SLC16A12: variants seen among roughly 807,000 people sequenced by gnomAD.
The protein encoded by SLC16A12 is solute carrier family 16 member 12, also known as monocarboxylate transporter 12.
In SLC16A12, 17 loss-of-function variants were observed where a neutral mutation model predicts 42.4. The observed-to-expected ratio is 0.40, with a 90% CI of 0.27 to 0.60. The LOEUF is 0.60. Ranked by LOEUF, SLC16A12 falls within the 20% of genes least tolerant of loss-of-function variation. The pLI, the probability that SLC16A12 is intolerant of heterozygous loss-of-function variation, is 0.42. For missense variants in SLC16A12, 544 were observed against 623.0 expected (o/e 0.87, Z 1.35); for synonymous variants, 224 against 229.4 (o/e 0.98, Z 0.21).
intron 3 of SLC16A12, among the ~76,000 whole-genome samples, chr10:89,447,273 G>T (rs1329355665): frequency 6.6e-6 from 1 of 152,126 alleles, no homozygotes; most frequent in African/African-American, 2.4e-5. Context: ...GACATCTACA[G>T]AACTCTCCAC....
intron 2 of SLC16A12, among the ~76,000 whole-genome samples, chr10:89,525,681 T>C (rs768545742): frequency 3.3e-5 from 5 of 152,214 alleles, no homozygotes; most frequent in Admixed American, 6.5e-5. Flanking sequence ...TTAATTAAGT[T>C]AGTAGCTGTT....
chr10:89,515,782 T>A (rs1036756644), intron 2 of SLC16A12, among the ~76,000 whole-genome samples: 2 of 152,064 alleles, frequency 1.3e-5, no homozygotes, highest in African/African-American at 2.4e-5. Context: ...AATCACTAAG[T>A]CATCATGAAT....
chr10:89,439,956 T>A (rs1357102078), intron 5 of SLC16A12, among the ~76,000 whole-genome samples: 1 of 150,960 alleles, frequency 6.6e-6, no homozygotes, highest in Non-Finnish European at 1.5e-5. Flanking sequence ...GCACCTGTAG[T>A]CTTAGCTACT....
chr10:89,435,923 G>T (rs752447752), intron 7 of SLC16A12, 137 bp downstream of exon 7: 17 of 1,235,758 alleles, frequency 1.4e-5, no homozygotes, highest in Admixed American at 1.3e-4. Flanking sequence ...GGTTTTGGGG[G>T]CTCTTATATC....
At chr10:89,465,680 C>T (rs1842382468) in intron 2 of SLC16A12, among the ~76,000 whole-genome samples, 1 of 152,192 alleles carries the variant, frequency 6.6e-6, no homozygotes, top group Admixed American at 6.5e-5. Flanking sequence ...CTGGAGAAGA[C>T]AGAGCTGGTA....
At chr10:89,509,366 C>T (rs891109445) in intron 2 of SLC16A12, among the ~76,000 whole-genome samples, 1 of 152,198 alleles carries the variant, frequency 6.6e-6, no homozygotes, top group Non-Finnish European at 1.5e-5. Flanking sequence ...CAAACCGAAT[C>T]CAGTGGCACA....
At chr10:89,491,215 A>T (rs1400792555) in intron 2 of SLC16A12, among the ~76,000 whole-genome samples, 3 of 152,170 alleles carry the variant, frequency 2.0e-5, no homozygotes, top group African/African-American at 7.2e-5. Context: ...AATCCTGCCC[A>T]AGAGGGCCTG....
intron 3 of SLC16A12, among the ~76,000 whole-genome samples, chr10:89,447,837 A>G (rs200822507): frequency 6.6e-6 from 1 of 152,188 alleles, no homozygotes; most frequent in Non-Finnish European, 1.5e-5. Flanking sequence ...TTTTGAAAAG[A>G]TCAACAAATA....
intron 2 of SLC16A12, among the ~76,000 whole-genome samples, chr10:89,473,421 A>G (rs1842531282): frequency 6.6e-6 from 1 of 152,226 alleles, no homozygotes; most frequent in Admixed American, 6.5e-5. Flanking sequence ...TATAGATAGA[A>G]CATGTAAACG....
intron 2 of SLC16A12, among the ~76,000 whole-genome samples, chr10:89,533,898 A>AT (rs1843601087): frequency 6.6e-6 from 1 of 152,056 alleles, no homozygotes; most frequent in Non-Finnish European, 1.5e-5. Flanking sequence ...TAGTCATATT[A>AT]TTTTTGCTCA....
upstream of SLC16A12, among the ~76,000 whole-genome samples, chr10:89,538,787 A>G (rs1053124447): frequency 1.3e-5 from 2 of 152,218 alleles, no homozygotes; most frequent in African/African-American, 4.8e-5. Flanking sequence ...AATATTGGGG[A>G]ATGACAAAGA....
At position 89,486,647 on chromosome 10, in the gene SLC16A12, GAAAGAAAGAAAGAAAGA is replaced by G. The variant is rs1168942786; in HGVS notation, c.-46-24040_-46-24024del. Among the ~76,000 whole-genome samples the G allele has an allele frequency of 7.1e-3, 329 of 46,170 alleles. 13 individuals carry two copies. The highest frequency in any genetic ancestry group is 0.061 in the East Asian group (111 of 1,820). 30.3% of individuals were successfully genotyped at this position (46,170 alleles called of 152,430 possible). On this transcript the variant is annotated intron_variant, in intron 2 of 7. Coordinates refer to ENST00000371790, the MANE Select transcript of SLC16A12 (RefSeq NM_213606.4). The stretch of plus-strand genomic sequence containing the variant: ...AGAAAGAAAGAAAGAAAGAAAGAAA[GAAAGAAAGAAAGAAAGA>G]AAAGAAAGAAAGAAAGAAAAGAAAG...
intron 2 of SLC16A12, among the ~76,000 whole-genome samples, chr10:89,525,219 T>TAA (rs1843429348): frequency 3.1e-5 from 1 of 32,756 alleles, no homozygotes; most frequent in Non-Finnish European, 5.1e-5. Flanking sequence ...AGACACCATA[T>TAA]CAAAAAAAAA....
At chr10:89,476,864 G>A (rs1028743225) in intron 2 of SLC16A12, among the ~76,000 whole-genome samples, 1 of 152,220 alleles carries the variant, frequency 6.6e-6, no homozygotes, top group Non-Finnish European at 1.5e-5. Flanking sequence ...CTCACCTACA[G>A]GGCCTGGCAC....
At chr10:89,539,384 C>T (rs1027843894), upstream of SLC16A12, among the ~76,000 whole-genome samples, 1 of 152,110 alleles carries the variant, frequency 6.6e-6, no homozygotes, top group Admixed American at 6.5e-5. Context: ...GGCCTGGAGG[C>T]ACAGAATATT....
rs752635255 is a variant in SLC16A12, at chr10:89,441,169, G to A, written c.387C>T (p.Leu129=). The change falls in exon 5 of 8, where the codon CTC becomes CTT. Residue 129 remains leucine, a synonymous_variant. Transcript: ENST00000371790. The part of the protein sequence containing the change: ...MLGGLLASTG[L]ILSSFATSLK... Reference sequence around the variant, plus strand: ...GACTCGTGGCAAATGAGCTCAGGATGAGTCCAGTAGATGCAAGCAAGCCAC... The same window carrying A: ...GACTCGTGGCAAATGAGCTCAGGATAAGTCCAGTAGATGCAAGCAAGCCAC... 7 of 1,613,958 alleles carry A rather than the reference G, an allele frequency of 4.3e-6. 1 individual carries two copies. In the South Asian group the frequency reaches 7.7e-5, roughly 18 times the overall value.
chr10:89,482,924 C>G (rs1366771337), intron 2 of SLC16A12, among the ~76,000 whole-genome samples: 1 of 152,160 alleles, frequency 6.6e-6, no homozygotes, highest in Non-Finnish European at 1.5e-5. Context: ...GTTGCTTAGC[C>G]GGGCTCCAGG....
intron 2 of SLC16A12, among the ~76,000 whole-genome samples, chr10:89,529,407 A>G (rs967630859): frequency 5.9e-5 from 9 of 152,102 alleles, no homozygotes; most frequent in African/African-American, 2.2e-4. Context: ...ATTTTTAAGT[A>G]TTGGTATAGT....
At chr10:89,435,584 A>G (rs1476375023) in intron 7 of SLC16A12, among the ~76,000 whole-genome samples, 2 of 152,166 alleles carry the variant, frequency 1.3e-5, no homozygotes, top group Non-Finnish European at 2.9e-5. Flanking sequence ...ATCCTTTTAC[A>G]TAAAAACTTT....
Sources: allele counts gnomAD v4.1 joint callset (sites outside exome capture counted in the v4.1 genomes callset), GRCh38; gene constraint gnomAD v4.1.1; transcripts MANE v1.5; gene names NCBI Gene and HGNC (gene_info 2026-07-23, HGNC 2026-07-21).